Variants in EMC7 observed in about 807,000 individuals in gnomAD.
The protein encoded by EMC7 is endoplasmic reticulum membrane protein complex subunit 7.
A neutral mutation model predicts 24.4 loss-of-function variants in EMC7; 4 were observed. The observed-to-expected ratio is 0.16, with a 90% CI of 0.08 to 0.38. The LOEUF (loss-of-function observed/expected upper bound fraction) is 0.38. EMC7 is among the 10% of genes least tolerant of loss of function. The pLI, the probability that EMC7 is intolerant of heterozygous loss-of-function variation, is 1.00. For synonymous variants in EMC7, 106 were observed against 112.0 expected (o/e 0.95, Z 0.34); for missense variants, 221 against 300.6 (o/e 0.74, Z 1.96).
At chr15:34,100,274 G>C (rs2576308) in intron 1 of EMC7, among the ~76,000 whole-genome samples, 1 of 152,124 alleles carries the variant, frequency 6.6e-6, no homozygotes, top group South Asian at 2.1e-4. Context: ...ACAGAAGTTC[G>C]AAGCTGCCAT....
chr15:34,089,046 T>C (rs4780213), intron 3 of EMC7, among the ~76,000 whole-genome samples: 150,712 of 151,984 alleles, frequency 0.99, 74,737 homozygotes, highest in Middle Eastern at 1. Flanking sequence ...TTGATAGAGA[T>C]GAGGTTTCAC....
In EMC7 at chr15:34,088,169, C is replaced by G. The variant is rs1900919482; in HGVS notation, c.496-36G>C. 3.8e-6 allele frequency: 6 copies of G among 1,562,296 alleles called. No individual in the cohort carries two copies. The African/African-American group carries it at 8.2e-5, about 21-fold the overall frequency. ...AAAAAATCCAGAAAATGTTTTTCCC[C>G]CACTTTACAGTTAATAGAACAAAAA... On this transcript the variant is annotated intron_variant, in intron 3 of 4. Coordinates refer to ENST00000256545, the MANE Select transcript of EMC7 (RefSeq NM_020154.3).
chr15:34,098,600 C>T (rs549292005), intron 1 of EMC7, among the ~76,000 whole-genome samples: 25 of 150,712 alleles, frequency 1.7e-4, no homozygotes, highest in African/African-American at 6.1e-4. Context: ...GGATTACAGA[C>T]TACCGCCAGT....
chr15:34,092,462 C>T (rs1306150705), intron 2 of EMC7, among the ~76,000 whole-genome samples: 1 of 152,042 alleles, frequency 6.6e-6, no homozygotes, highest in Non-Finnish European at 1.5e-5. Flanking sequence ...GATTCTCCTG[C>T]CTCAGCCTCC....
At position 34,084,215 on chromosome 15, in the gene EMC7, G is replaced by C; in HGVS notation, c.*119C>G. On this transcript the variant is annotated 3_prime_UTR_variant, in exon 5 of 5. Coordinates refer to ENST00000256545, the MANE Select transcript of EMC7 (RefSeq NM_020154.3). ...TGCTAAAAAGTTAACATACACAGTT[G>C]TAAGAGATCAACGTCGGGATGACTC... The C allele has an allele frequency of 4.7e-6, 6 of 1,263,178 alleles. No individual in the cohort carries two copies. Among genetic ancestry groups the C allele is most frequent in the Non-Finnish European group, 6.5e-6 (6 of 919,154 alleles). The allele number at this position is 1,263,178 out of a possible 1,614,324, so 78.2% of individuals were successfully genotyped here.
intron 4 of EMC7, among the ~76,000 whole-genome samples, chr15:34,087,410 C>T (rs1900906762): frequency 6.6e-6 from 1 of 152,236 alleles, no homozygotes; most frequent in African/African-American, 2.4e-5. Flanking sequence ...TCCTCTCCCT[C>T]TGCAGAACCA....
chr15:34,093,599 T>G (rs1325502706), intron 2 of EMC7, among the ~76,000 whole-genome samples: 7 of 150,740 alleles, frequency 4.6e-5, no homozygotes, highest in Non-Finnish European at 8.9e-5. Context: ...GCAGCTCTCA[T>G]TCCGTCCAAT....
chr15:34,092,616 G>A (rs1176872433), intron 2 of EMC7, among the ~76,000 whole-genome samples: 3 of 152,020 alleles, frequency 2.0e-5, no homozygotes, highest in African/African-American at 7.2e-5. Context: ...AAAGTGCTGG[G>A]ATTACAGGTG....
intron 1 of EMC7, among the ~76,000 whole-genome samples, chr15:34,098,584 T>C (rs968661228): frequency 2.0e-5 from 3 of 151,360 alleles, no homozygotes; most frequent in African/African-American, 7.3e-5. Flanking sequence ...GCCTCCCTAG[T>C]AGCTGGGATT....
chr15:34,090,943 A>G (rs563317057), intron 2 of EMC7, among the ~76,000 whole-genome samples: 1 of 152,362 alleles, frequency 6.6e-6, no homozygotes, highest in South Asian at 2.1e-4. Flanking sequence ...CAGCAGTGCT[A>G]TAGGTAACGC....
At chr15:34,089,809 AG>A (rs1739570232) in intron 3 of EMC7, among the ~76,000 whole-genome samples, 2 of 152,206 alleles carry the variant, frequency 1.3e-5, no homozygotes, top group Admixed American at 1.3e-4. Flanking sequence ...ATACAAAATT[AG>A]CCGGGCGTGG....
At chr15:34,091,228 T>C (rs1057278552) in intron 2 of EMC7, among the ~76,000 whole-genome samples, 1 of 152,242 alleles carries the variant, frequency 6.6e-6, no homozygotes, top group Admixed American at 6.5e-5. Flanking sequence ...ATCATTTCTA[T>C]GGCAGTCTTT....
chr15:34,097,059 A>G (rs1250721057), intron 1 of EMC7, among the ~76,000 whole-genome samples: 7 of 2,092 alleles, frequency 3.3e-3, no homozygotes, highest in Non-Finnish European at 2.1e-3. Flanking sequence ...TTTGAGACGG[A>G]GTCTCACTCT....
In EMC7 at chr15:34,095,925, C is replaced by G. The variant is rs137897635; in HGVS notation, c.326G>C (p.Arg109Pro). The G allele has an allele frequency of 6.2e-7, 1 of 1,610,060 alleles. No individual in the cohort carries two copies. Among genetic ancestry groups the G allele is most frequent in the African/African-American group, 1.3e-5 (1 of 74,884 alleles). The change falls in exon 2 of 5, where the codon CGA (arginine) becomes CCA (proline). Residue 109 changes from arginine to proline, a missense_variant. Around this residue, in one of 2 missense-constraint regions of EMC7, gnomAD observed 156 missense variants for 177.1 expected, o/e 0.88. Transcript: ENST00000256545. The part of the protein sequence containing the change: ...VSPAYRFDPV[R>P]VDITSKGKMR... ...TTTTCCTTTCGAAGTGATATCCACT[C>G]GAACGGGATCAAATCTGTAAGCTGG...
At chr15:34,092,728 G>C (rs1900998346) in intron 2 of EMC7, among the ~76,000 whole-genome samples, 2 of 151,962 alleles carry the variant, frequency 1.3e-5, no homozygotes, top group South Asian at 4.2e-4. Context: ...CAATCATCAG[G>C]AATGTATCTG....
intron 1 of EMC7, among the ~76,000 whole-genome samples, chr15:34,100,129 C>T (rs769016087): frequency 2.6e-5 from 4 of 152,138 alleles, no homozygotes; most frequent in Non-Finnish European, 5.9e-5. Context: ...TCACTTGAGG[C>T]CAGGAGTTTG....
chr15:34,084,493 G>C lies in EMC7; in HGVS notation c.577-7C>G. On this transcript the variant is annotated splice_polypyrimidine_tract_variant and splice_region_variant and intron_variant, in intron 4 of 4. Transcript: ENST00000256545. ...TCATTGACTGCTCCATTTCCTGCAA[G>C]AAGACAAGGCACAATGATATGTAGG... The C allele has an allele frequency of 6.2e-7, 1 of 1,611,032 alleles. No homozygotes were observed.
Position 34,101,797 on chromosome 15 carries a change from G to A in EMC7, c.43C>T (p.Leu15=), listed in dbSNP as rs1420826264. The change falls in exon 1 of 5, where the codon CTG becomes TTG. Residue 15 remains leucine, a synonymous_variant. Coordinates refer to ENST00000256545, the MANE Select transcript of EMC7 (RefSeq NM_020154.3). ...CTCTGGACATCCCCCGATAGCAGCAGCAGCAGCAGGACGGGAAAGAAGCCC... is the reference window on the plus strand; with the variant it reads ...CTCTGGACATCCCCCGATAGCAGCAACAGCAGCAGGACGGGAAAGAAGCCC... ...LWGFFPVLLL[L]LLSGDVQSSE... 1.2e-6 allele frequency: 2 copies of A among 1,612,478 alleles called. No homozygotes were observed. Among genetic ancestry groups the A allele is most frequent in the Non-Finnish European group, 1.7e-6 (2 of 1,179,900 alleles).
chr15:34,085,773 G>A (rs191528798), intron 4 of EMC7: 5 of 150,026 alleles, frequency 3.3e-5, no homozygotes, highest in African/African-American at 1.2e-4. Flanking sequence ...TATGGTAACA[G>A]CTCTTGAGTC....
Sources: allele counts gnomAD v4.1 joint callset (sites outside exome capture counted in the v4.1 genomes callset), GRCh38; gene constraint gnomAD v4.1.1; regional missense constraint gnomAD v4.1.1; transcripts MANE v1.5; gene names NCBI Gene and HGNC (gene_info 2026-07-23, HGNC 2026-07-21).